KCNIP4: variants seen among roughly 807,000 people sequenced by gnomAD.
KCNIP4 encodes potassium voltage-gated channel interacting protein 4, also known as Kv channel-interacting protein 4.
Under a neutral mutation model 34.0 loss-of-function variants are expected in KCNIP4, and 12 were observed. The observed-to-expected ratio is 0.35, with a 90% confidence interval of 0.23 to 0.57. The LOEUF (loss-of-function observed/expected upper bound fraction) is 0.57, where lower values mean the gene tolerates loss of function less well. Ranked by LOEUF, KCNIP4 falls within the 20% of genes least tolerant of loss-of-function variation. KCNIP4 has a pLI of 0.83. For missense variants in KCNIP4, 238 were observed against 311.7 expected (o/e 0.76, Z 1.78); for synonymous variants, 124 against 102.2 (o/e 1.21, Z -1.29).
In KCNIP4 at chr4:21,008,013, C is replaced by A. The variant is rs543502824; in HGVS notation, c.62-125304G>T. Among the ~76,000 whole-genome samples, 4 of 152,218 alleles carry A rather than the reference C, an allele frequency of 2.6e-5. No homozygotes were observed. In the East Asian group the frequency reaches 7.7e-4, roughly 29 times the overall value. On this transcript the variant is annotated intron_variant, in intron 1 of 8. Coordinates refer to ENST00000382152, the MANE Select transcript of KCNIP4 (RefSeq NM_025221.6). Reference sequence around the variant, plus strand: ...CTGCTCCTAGTTTGAAATAAAATGTCCCCCCTGTCTGGGATGATTAAAAAC... The same window carrying A: ...CTGCTCCTAGTTTGAAATAAAATGTACCCCCTGTCTGGGATGATTAAAAAC...
At chr4:20,989,733 T>C (rs1240627070) in intron 1 of KCNIP4, among the ~76,000 whole-genome samples, 1 of 151,390 alleles carries the variant, frequency 6.6e-6, no homozygotes, top group Non-Finnish European at 1.5e-5. Context: ...CTTTGGGAGG[T>C]TGAGGTGGGT....
rs566235305 is a variant in KCNIP4, at chr4:21,460,005, A to G, written c.61+488566T>C. On this transcript the variant is annotated intron_variant, in intron 1 of 8. Transcript: ENST00000382152. ...ATCCTGTGCAAACGCAAATTGGATGATATCACTCCTCTGGTCCAATCTTCT... is the reference window on the plus strand; with the variant it reads ...ATCCTGTGCAAACGCAAATTGGATGGTATCACTCCTCTGGTCCAATCTTCT... Among the ~76,000 whole-genome samples, 152 of 151,896 alleles carry G rather than the reference A, an allele frequency of 1.0e-3. 5 individuals carry two copies. In the South Asian group the frequency reaches 0.031, roughly 31 times the overall value.
intron 1 of KCNIP4, among the ~76,000 whole-genome samples, chr4:21,147,643 G>T (rs979087143): frequency 6.6e-6 from 1 of 151,940 alleles, no homozygotes; most frequent in Non-Finnish European, 1.5e-5. Context: ...GCCATTAAAA[G>T]CATCAAGTAC....
chr4:21,815,609 T>C (rs943174528), intron 1 of KCNIP4, among the ~76,000 whole-genome samples: 29 of 152,300 alleles, frequency 1.9e-4, no homozygotes, highest in Admixed American at 1.3e-4. Context: ...GACTGACATC[T>C]ACAAGTACAT....
chr4:21,011,264 C>T (rs1206513508), intron 1 of KCNIP4, among the ~76,000 whole-genome samples: 2 of 152,172 alleles, frequency 1.3e-5, no homozygotes, highest in Non-Finnish European at 2.9e-5. Context: ...AGTGGCATTG[C>T]AGGAGATCCG....
chr4:21,546,363 A>G lies in KCNIP4; in HGVS notation c.61+402208T>C, dbSNP rs535464194. The stretch of plus-strand genomic sequence containing the variant: ...GTAGTCTAAACTAAGGAAAAGCAAA[A>G]AGTTGACTCTTCACAGGGAGTTTGA... On this transcript the variant is annotated intron_variant, in intron 1 of 8. Coordinates refer to ENST00000382152, the MANE Select transcript of KCNIP4 (RefSeq NM_025221.6). 1.2e-3 allele frequency among the ~76,000 whole-genome samples: 177 copies of G among 152,220 alleles called. 1 individual carries two copies. Among genetic ancestry groups the G allele is most frequent in the Middle Eastern group, 0.01 (3 of 294 alleles).
intron 1 of KCNIP4, among the ~76,000 whole-genome samples, chr4:21,234,397 A>AAC (rs1759160960): frequency 8.5e-6 from 1 of 118,034 alleles, no homozygotes; most frequent in African/African-American, 3.1e-5. Context: ...TAACATATAT[A>AAC]ATATATTATA....
intron 1 of KCNIP4, among the ~76,000 whole-genome samples, chr4:21,597,599 T>C (rs1296192273): frequency 6.6e-6 from 1 of 152,134 alleles, no homozygotes; most frequent in Non-Finnish European, 1.5e-5. Flanking sequence ...TCATTGGCTT[T>C]CCCAAGGTAT....
chr4:21,817,498 A>T (rs1316966982), intron 1 of KCNIP4, among the ~76,000 whole-genome samples: 1 of 152,180 alleles, frequency 6.6e-6, no homozygotes, highest in Non-Finnish European at 1.5e-5. Flanking sequence ...CATAAGGGTG[A>T]CTGCCTGCGG....
At chr4:21,269,476 G>A (rs1243892981) in intron 1 of KCNIP4, among the ~76,000 whole-genome samples, 1 of 152,024 alleles carries the variant, frequency 6.6e-6, no homozygotes, top group Non-Finnish European at 1.5e-5. Flanking sequence ...TGTGATCATG[G>A]CTCACTGCAG....
chr4:21,250,243 T>G (rs2109075683), intron 1 of KCNIP4, among the ~76,000 whole-genome samples: 1 of 149,610 alleles, frequency 6.7e-6, no homozygotes, highest in Admixed American at 6.7e-5. Flanking sequence ...GAAATATACA[T>G]ATATATGCAC....
intron 2 of KCNIP4, among the ~76,000 whole-genome samples, chr4:20,874,817 A>G (rs1723833966): frequency 6.6e-6 from 1 of 152,178 alleles, no homozygotes; most frequent in African/African-American, 2.4e-5. Flanking sequence ...ACGTGTAAGA[A>G]ACAAATATTC....
chr4:21,528,679 GAAAGAAAGA>G, intron 1 of KCNIP4, among the ~76,000 whole-genome samples: 1 of 2,774 alleles, frequency 3.6e-4, no homozygotes, highest in South Asian at 0.019. Context: ...AAAAAACAAA[GAAAGAAAGA>G]AAGAAAGAAA....
chr4:20,929,007 A>G (rs1243110967), intron 1 of KCNIP4, among the ~76,000 whole-genome samples: 2 of 151,964 alleles, frequency 1.3e-5, no homozygotes, highest in African/African-American at 4.8e-5. Flanking sequence ...ACAAATAGAG[A>G]TAGAAGAAAT....
intron 1 of KCNIP4, among the ~76,000 whole-genome samples, chr4:21,898,117 A>G (rs557923633): frequency 6.6e-6 from 1 of 152,236 alleles, no homozygotes; most frequent in African/African-American, 2.4e-5. Flanking sequence ...TGTCCATCCC[A>G]TTGGTCCAAA....
At chr4:21,519,361 C>T (rs1735069214) in intron 1 of KCNIP4, among the ~76,000 whole-genome samples, 2 of 142,006 alleles carry the variant, frequency 1.4e-5, no homozygotes, top group Non-Finnish European at 3.1e-5. Context: ...CACACACACA[C>T]ACACACACAC....
intron 1 of KCNIP4, among the ~76,000 whole-genome samples, chr4:21,224,207 A>G (rs938408608): frequency 2.0e-5 from 3 of 152,130 alleles, no homozygotes; most frequent in Non-Finnish European, 4.4e-5. Context: ...AGTTTAAACA[A>G]TAGAAATTTA....
At chr4:20,984,805 T>C (rs975517229) in intron 1 of KCNIP4, among the ~76,000 whole-genome samples, 1 of 152,200 alleles carries the variant, frequency 6.6e-6, no homozygotes, top group Non-Finnish European at 1.5e-5. Flanking sequence ...TCCTTTAAAG[T>C]CTGGCCTCAG....
chr4:21,693,102 C>G (rs531982376), intron 1 of KCNIP4, among the ~76,000 whole-genome samples: 1 of 94,218 alleles, frequency 1.1e-5, no homozygotes, highest in Non-Finnish European at 2.4e-5. Flanking sequence ...CTTAGGATCA[C>G]CTCTTCCAGA....
Sources: allele counts gnomAD v4.1 joint callset (sites outside exome capture counted in the v4.1 genomes callset), GRCh38; gene constraint gnomAD v4.1.1; transcripts MANE v1.5; gene names NCBI Gene and HGNC (gene_info 2026-07-23, HGNC 2026-07-21).